The following SNX29 variants were observed in gnomAD, a reference collection of about 807,000 sequenced individuals.
SNX29 encodes sorting nexin 29.
Under a neutral mutation model 102.1 loss-of-function variants are expected in SNX29, and 78 were observed. That is an observed-to-expected ratio of 0.76 (90% CI 0.64 to 0.92). The LOEUF is 0.92. Among genes scored for constraint, SNX29 ranks in the 40% least tolerant of loss-of-function variants. The pLI is 0.00. For missense variants in SNX29, 1,280 were observed against 1,061.7 expected (o/e 1.21, Z -2.86); for synonymous variants, 580 against 414.5 (o/e 1.40, Z -4.85).
At chr16:12,523,382 C>G (rs1311350679) in intron 19 of SNX29, among the ~76,000 whole-genome samples, 2 of 152,226 alleles carry the variant, frequency 1.3e-5, no homozygotes, top group Admixed American at 1.3e-4. Flanking sequence ...CCTCCACTGC[C>G]TTCTCTCAGC....
chr16:12,461,978 A>AAAAATATAT (rs1555544501), intron 18 of SNX29, among the ~76,000 whole-genome samples: 4 of 27,352 alleles, frequency 1.5e-4, no homozygotes, highest in African/African-American at 5.5e-4. Context: ...AAAAAAAAAA[A>AAAAATATAT]ATATATATAT....
rs760297791 is a variant in SNX29, at chr16:12,277,985, G to A, written c.1731G>A (p.Pro577=). 1.3e-5 allele frequency: 21 copies of A among 1,609,164 alleles called. No homozygotes were observed. Among genetic ancestry groups the A allele is most frequent in the South Asian group, 2.2e-5 (2 of 89,592 alleles). The change falls in exon 15 of 21, where the codon CCG becomes CCA. Residue 577 remains proline (P), a synonymous_variant. Transcript: ENST00000566228. ...AAGTTACAGTAGCTGAACAGAAGCC[G>A]GGAGAAATTGCTGAAGAACTCGCAA... The part of the protein sequence containing the change: ...DGEVTVAEQK[P]GEIAEELASS...
intron 8 of SNX29, among the ~76,000 whole-genome samples, chr16:12,056,428 C>T (rs374166402): frequency 1.3e-5 from 2 of 152,342 alleles, no homozygotes; most frequent in South Asian, 2.1e-4. Flanking sequence ...CACAGAGCAG[C>T]CTGGGGAAGA....
intron 11 of SNX29, among the ~76,000 whole-genome samples, chr16:12,117,206 C>T (rs977580286): frequency 6.9e-6 from 1 of 144,902 alleles, no homozygotes; most frequent in Non-Finnish European, 1.5e-5. Context: ...GCGGATGAAC[C>T]GTGGAAACAG....
At chr16:12,043,167 G>T (rs968551024) in intron 5 of SNX29, 90 bp downstream of exon 5, 2 of 1,515,750 alleles carry the variant, frequency 1.3e-6, no homozygotes, top group African/African-American at 2.8e-5. Context: ...TTTCATCCTA[G>T]TTCCCCGATC....
In SNX29 at chr16:12,540,506, G is replaced by C. The variant is rs537106168; in HGVS notation, c.2318+15665G>C. On this transcript the variant is annotated intron_variant, in intron 20 of 20. Transcript: ENST00000566228. The stretch of plus-strand genomic sequence containing the variant: ...GTGTCGGCAGGGCTGGCGCCTTCTC[G>C]AGGTTGTGGGGCAGAATTTGTTTCG... Among the ~76,000 whole-genome samples the C allele has an allele frequency of 1.3e-4, 20 of 152,348 alleles. No individual in the cohort carries two copies. In the East Asian group the frequency reaches 3.7e-3, roughly 28 times the overall value.
chr16:12,165,549 T>C (rs892443934), intron 13 of SNX29, among the ~76,000 whole-genome samples: 3 of 152,240 alleles, frequency 2.0e-5, no homozygotes, highest in Non-Finnish European at 2.9e-5. Context: ...ATATTAAATA[T>C]AAACTTTACT....
chr16:12,148,791 G>T (rs1202020976), intron 13 of SNX29, among the ~76,000 whole-genome samples: 1 of 152,074 alleles, frequency 6.6e-6, no homozygotes, highest in Non-Finnish European at 1.5e-5. Context: ...TCCACCTCCC[G>T]GGTTCAAGTG....
At chr16:12,348,449 G>C (rs1218300192) in intron 15 of SNX29, among the ~76,000 whole-genome samples, 2 of 152,206 alleles carry the variant, frequency 1.3e-5, no homozygotes, top group Non-Finnish European at 2.9e-5. Flanking sequence ...AGGGGGATGT[G>C]GGAGCAGCCA....
intron 11 of SNX29, among the ~76,000 whole-genome samples, chr16:12,117,075 A>G (rs370766985): frequency 3.8e-4 from 43 of 113,882 alleles, no homozygotes; most frequent in South Asian, 6.1e-4. Context: ...CGGACGAACC[A>G]TGGAAACAGG....
At position 12,019,277 on chromosome 16, in the gene SNX29, G is replaced by A. The variant is rs982391261; in HGVS notation, c.123-8043G>A. ...GGCTGGAGTGCAGTGGCACTATCTC[G>A]GCTCACGGCAAGCTCCGCCTCCCAG... On this transcript the variant is annotated intron_variant, in intron 3 of 20. Coordinates refer to ENST00000566228, the MANE Select transcript of SNX29 (RefSeq NM_032167.5). Among the ~76,000 whole-genome samples, 4 of 152,024 alleles carry A rather than the reference G, an allele frequency of 2.6e-5. 1 individual carries two copies. The highest frequency in any genetic ancestry group is 4.4e-5 in the Non-Finnish European group (3 of 68,010).
At chr16:12,298,235 T>C (rs919912050) in intron 15 of SNX29, among the ~76,000 whole-genome samples, 1 of 152,208 alleles carries the variant, frequency 6.6e-6, no homozygotes, top group African/African-American at 2.4e-5. Flanking sequence ...ATCAATTCAA[T>C]GCTCAGTGAA....
At position 12,129,744 on chromosome 16, in the gene SNX29, C is replaced by A. The variant is rs1236480515; in HGVS notation, c.1581C>A (p.Val527=). The A allele has an allele frequency of 1.2e-6, 2 of 1,608,250 alleles. No homozygotes were observed. Among genetic ancestry groups the A allele is most frequent in the South Asian group, 1.1e-5 (1 of 89,972 alleles). ...AEQEERQGMK[V]QALARENEVL... ...AGGAGGAGCGGCAGGGCATGAAGGT[C>A]CAGGCGCTGGCCAGGTAGGAGAGGG... The change falls in exon 13 of 21, where the codon GTC becomes GTA. Residue 527 remains valine, a synonymous_variant. Coordinates refer to ENST00000566228, the MANE Select transcript of SNX29 (RefSeq NM_032167.5).
chr16:12,049,199 T>A (rs11859801), intron 7 of SNX29, among the ~76,000 whole-genome samples: 3 of 151,736 alleles, frequency 2.0e-5, no homozygotes, highest in Non-Finnish European at 2.9e-5. Flanking sequence ...AGCAAAAGAG[T>A]TGATTCAGGC....
At chr16:12,392,065 T>C (rs1249026807) in intron 16 of SNX29, among the ~76,000 whole-genome samples, 1 of 152,246 alleles carries the variant, frequency 6.6e-6, no homozygotes, top group Admixed American at 6.5e-5. Flanking sequence ...GGTTCATGCA[T>C]ATAGACACGT....
intron 11 of SNX29, among the ~76,000 whole-genome samples, chr16:12,120,154 TAAAAGG>T (rs1286901833): frequency 1.3e-5 from 2 of 152,108 alleles, no homozygotes; most frequent in African/African-American, 2.4e-5. Context: ...CTTTTGGAGA[TAAAAGG>T]AAAGGGAGTG....
chr16:12,469,684 A>C (rs770296261), intron 18 of SNX29, among the ~76,000 whole-genome samples: 5 of 152,170 alleles, frequency 3.3e-5, no homozygotes, highest in Non-Finnish European at 7.3e-5. Flanking sequence ...CGCATTTCTT[A>C]GTTGCTCCAG....
rs2050125983 is a variant in SNX29 at position 12,047,246 on chromosome 16, GACTGTT to G, written c.499+795_499+800del. Among the ~76,000 whole-genome samples the G allele has an allele frequency of 2.0e-5, 3 of 152,320 alleles. No individual in the cohort carries two copies. The South Asian group carries it at 6.2e-4, about 32-fold the overall frequency. ...GACCCTGGGTTGATGTTAGTCGGTG[GACTGTT>G]ACGTTGTTCGCCCTTTGACTCAAAG... On this transcript the variant is annotated intron_variant, in intron 6 of 20. Transcript: ENST00000566228.
intron 18 of SNX29, among the ~76,000 whole-genome samples, chr16:12,453,321 TG>T (rs1708493152): frequency 6.6e-6 from 1 of 152,196 alleles, no homozygotes; most frequent in Non-Finnish European, 1.5e-5. Context: ...CAACCACCAC[TG>T]TACACTAGAG....
Sources: gnomAD v4.1 joint callset for allele counts (sites outside exome capture counted in the v4.1 genomes callset) on GRCh38, gnomAD v4.1.1 for gene constraint, MANE v1.5 for transcripts, NCBI Gene and HGNC (gene_info 2026-07-23, HGNC 2026-07-21) for gene names.